Variants in PIAS1 observed in about 807,000 individuals in gnomAD.
The protein encoded by PIAS1 is protein inhibitor of activated STAT 1, also known as E3 SUMO-protein ligase PIAS1.
PIAS1 carries 6 observed loss-of-function variants against 71.3 expected under a neutral mutation model. The observed-to-expected ratio is 0.08, with a 90% CI of 0.05 to 0.17. The LOEUF is 0.17. PIAS1 is among the 10% of genes least tolerant of loss of function. The pLI, the probability that PIAS1 is intolerant of heterozygous loss-of-function variation, is 1.00. For missense variants in PIAS1, 555 were observed against 793.6 expected (o/e 0.70, Z 3.61); for synonymous variants, 303 against 292.9 (o/e 1.03, Z -0.35).
chr15:68,111,164 C>T (rs771065655), intron 2 of PIAS1, among the ~76,000 whole-genome samples: 1 of 152,134 alleles, frequency 6.6e-6, no homozygotes, highest in South Asian at 2.1e-4. Flanking sequence ...TTTAGGCCTT[C>T]TCATTTTATT....
At chr15:68,098,921 AT>A (rs2092400490) in intron 2 of PIAS1, among the ~76,000 whole-genome samples, 1 of 152,084 alleles carries the variant, frequency 6.6e-6, no homozygotes, top group Non-Finnish European at 1.5e-5. Flanking sequence ...GCATCTAAAT[AT>A]TTTTTGTAGA....
At chr15:68,176,421 A>G in intron 10 of PIAS1, 53 bp from the exon 11 acceptor site, 1 of 1,207,460 alleles carries the variant, frequency 8.3e-7, no homozygotes, top group Non-Finnish European at 1.1e-6. Context: ...CACTGAGAAA[A>G]GAGAGATGTC....
chr15:68,093,971 G>C (rs2092353717), intron 2 of PIAS1, among the ~76,000 whole-genome samples: 1 of 152,132 alleles, frequency 6.6e-6, no homozygotes, highest in South Asian at 2.1e-4. Flanking sequence ...GAAACATTGA[G>C]AAACACTTAA....
At chr15:68,166,358 T>G (rs2092957846) in intron 8 of PIAS1, among the ~76,000 whole-genome samples, 1 of 151,970 alleles carries the variant, frequency 6.6e-6, no homozygotes, top group African/African-American at 2.4e-5. Flanking sequence ...TTTATTTTTT[T>G]TTTCTTTTCA....
intron 2 of PIAS1, among the ~76,000 whole-genome samples, chr15:68,116,394 A>G (rs1310047998): frequency 6.6e-6 from 1 of 152,090 alleles, no homozygotes; most frequent in Non-Finnish European, 1.5e-5. Flanking sequence ...AAATATTAAT[A>G]ATATTCTCTT....
intron 8 of PIAS1, among the ~76,000 whole-genome samples, chr15:68,170,487 G>A (rs1030903044): frequency 1.3e-5 from 2 of 152,164 alleles, no homozygotes; most frequent in Non-Finnish European, 2.9e-5. Context: ...TGGAGCTTAC[G>A]GGACTGGAAG....
intron 1 of PIAS1, among the ~76,000 whole-genome samples, chr15:68,070,228 T>G (rs1210138911): frequency 2.0e-5 from 3 of 152,200 alleles, no homozygotes; most frequent in Non-Finnish European, 4.4e-5. Context: ...ACTAGTTGAA[T>G]GTGCCAGGCA....
At chr15:68,148,643 G>C (rs2092824718) in intron 6 of PIAS1, among the ~76,000 whole-genome samples, 1 of 152,160 alleles carries the variant, frequency 6.6e-6, no homozygotes, top group South Asian at 2.1e-4. Flanking sequence ...TGGCCAGGCT[G>C]GTCTTGAACT....
chr15:68,076,476 G>A (rs1346391313), intron 1 of PIAS1, among the ~76,000 whole-genome samples: 3 of 152,108 alleles, frequency 2.0e-5, no homozygotes, highest in Non-Finnish European at 2.9e-5. Context: ...CTCCAGCCTG[G>A]GCGACAGAGT....
intron 2 of PIAS1, among the ~76,000 whole-genome samples, chr15:68,124,579 G>T (rs967185943): frequency 6.6e-6 from 1 of 151,872 alleles, no homozygotes; most frequent in African/African-American, 2.4e-5. Context: ...AAATTAGCCG[G>T]GTGTGGTGGT....
intron 1 of PIAS1, among the ~76,000 whole-genome samples, chr15:68,059,865 A>T (rs1817899511): frequency 6.6e-6 from 1 of 152,144 alleles, no homozygotes; most frequent in Non-Finnish European, 1.5e-5. Flanking sequence ...GGTGTGAGAC[A>T]CTGTGCCTCT....
rs2093126951 is a variant in PIAS1, at chr15:68,192,942, C to T, written c.*5107C>T. ...TCCAGATTTGACAAGTGTATGGCACCTCTGAATCTCTGGCAGCACCAACCT... is the reference window on the plus strand; with the variant it reads ...TCCAGATTTGACAAGTGTATGGCACTTCTGAATCTCTGGCAGCACCAACCT... On this transcript the variant is annotated 3_prime_UTR_variant, in exon 14 of 14. Coordinates refer to ENST00000249636, the MANE Select transcript of PIAS1 (RefSeq NM_016166.3). 6.6e-6 allele frequency: 1 copy of T among 152,184 alleles called. No homozygotes were observed. The highest frequency in any genetic ancestry group is 1.5e-5 in the Non-Finnish European group (1 of 68,078). The allele number at this position is 152,184 out of a possible 1,614,324, so 9.4% of individuals were successfully genotyped here.
At chr15:68,070,313 A>AGATCTTTGT (rs2140964292) in intron 1 of PIAS1, among the ~76,000 whole-genome samples, 1 of 152,356 alleles carries the variant, frequency 6.6e-6, no homozygotes, top group Non-Finnish European at 1.5e-5. Context: ...AATGAATTAG[A>AGATCTTTGT]GATCTTTGTG....
intron 2 of PIAS1, among the ~76,000 whole-genome samples, chr15:68,107,585 C>A (rs1213124958): frequency 6.6e-6 from 1 of 152,130 alleles, no homozygotes; most frequent in Non-Finnish European, 1.5e-5. Context: ...TAGGCTGCTA[C>A]TCAATTTTTA....
intron 2 of PIAS1, among the ~76,000 whole-genome samples, chr15:68,137,134 A>G (rs2092739530): frequency 6.6e-6 from 1 of 152,220 alleles, no homozygotes; most frequent in Non-Finnish European, 1.5e-5. Flanking sequence ...ATTCATAAAA[A>G]TCTTCATACT....
intron 2 of PIAS1, among the ~76,000 whole-genome samples, chr15:68,120,396 T>G (rs980126668): frequency 6.6e-6 from 1 of 152,184 alleles, no homozygotes; most frequent in Admixed American, 6.5e-5. Flanking sequence ...ATCTGTTATT[T>G]TATTCCTCTT....
In PIAS1 at chr15:68,187,923, C is replaced by G; in HGVS notation, c.*88C>G. The G allele has an allele frequency of 1.6e-6, 2 of 1,254,352 alleles. No homozygotes were observed. Among genetic ancestry groups the G allele is most frequent in the Admixed American group, 2.3e-5 (1 of 42,754 alleles). The allele number at this position is 1,254,352 out of a possible 1,614,324, so 77.7% of individuals were successfully genotyped here. A position where few individuals can be genotyped will look rare whatever the true frequency, so the allele number is the denominator to read the frequency against. ...ACTTTGTGCTCTGTTTTACCTTACTCTGTTTAGAAAAGTATACAAGCGTGT... is the reference window on the plus strand; with the variant it reads ...ACTTTGTGCTCTGTTTTACCTTACTGTGTTTAGAAAAGTATACAAGCGTGT... On this transcript the variant is annotated 3_prime_UTR_variant, in exon 14 of 14. Coordinates refer to ENST00000249636, the MANE Select transcript of PIAS1 (RefSeq NM_016166.3). The surrounding 1 kb of genome is among the most constrained non-coding windows in gnomAD (Gnocchi z 5.3).
intron 7 of PIAS1, among the ~76,000 whole-genome samples, chr15:68,159,867 T>A: frequency 6.6e-6 from 1 of 152,278 alleles, no homozygotes; most frequent in East Asian, 1.9e-4. Flanking sequence ...TGCTGGGTCA[T>A]ATGATAAGTA....
Position 68,192,442 on chromosome 15 carries a change from C to G in PIAS1, c.*4607C>G, listed in dbSNP as rs774243243. 7.2e-5 allele frequency: 11 copies of G among 152,190 alleles called. No homozygotes were observed. The highest frequency in any genetic ancestry group is 1.5e-4 in the Non-Finnish European group (10 of 68,044). The allele number at this position is 152,190 out of a possible 1,614,324, so 9.4% of individuals were successfully genotyped here. On this transcript the variant is annotated 3_prime_UTR_variant, in exon 14 of 14. Coordinates refer to ENST00000249636, the MANE Select transcript of PIAS1 (RefSeq NM_016166.3). ...ACCCCACAAAACATCTGCTCCTACA[C>G]TGTGTGGACCTGGGCTTCCCAGCCA...
Sources: allele counts gnomAD v4.1 joint callset (sites outside exome capture counted in the v4.1 genomes callset), GRCh38; gene constraint gnomAD v4.1.1; non-coding constraint Gnocchi (gnomAD v3.1); transcripts MANE v1.5; gene names NCBI Gene and HGNC (gene_info 2026-07-23, HGNC 2026-07-21).